The following PTPN12 variants were observed in gnomAD, a reference collection of about 807,000 sequenced individuals.
PTPN12 encodes the protein tyrosine-protein phosphatase non-receptor type 12.
PTPN12 carries 29 observed loss-of-function variants against 97.6 expected under a neutral mutation model. The ratio of observed to expected loss-of-function variants is 0.30; its 90% CI spans 0.22 to 0.41. The LOEUF (loss-of-function observed/expected upper bound fraction) is 0.41, where lower values mean the gene tolerates loss of function less well. Among genes scored for constraint, PTPN12 ranks in the 10% least tolerant of loss-of-function variants. The pLI is 1.00. For synonymous variants in PTPN12, 327 were observed against 300.4 expected (o/e 1.09, Z -0.91); for missense variants, 819 against 926.0 (o/e 0.88, Z 1.50).
chr7:77,615,146 C>T (rs1425355275), intron 11 of PTPN12, among the ~76,000 whole-genome samples: 1 of 152,138 alleles, frequency 6.6e-6, no homozygotes, highest in East Asian at 1.9e-4. Context: ...GTTACAAGTA[C>T]TGTCAACACC....
At chr7:77,596,392 A>T (rs568945427) in intron 6 of PTPN12, among the ~76,000 whole-genome samples, 23 of 152,098 alleles carry the variant, frequency 1.5e-4, no homozygotes, top group East Asian at 5.8e-4. Flanking sequence ...TAAGGTTTTT[A>T]AAAAAATTTT....
intron 2 of PTPN12, among the ~76,000 whole-genome samples, chr7:77,578,671 G>C (rs1272876758): frequency 6.6e-6 from 1 of 152,044 alleles, no homozygotes; most frequent in Non-Finnish European, 1.5e-5. Flanking sequence ...ATTCATGTCT[G>C]TTAACATTTC....
At chr7:77,621,557 T>TGGGC (rs1308005864) in intron 12 of PTPN12, among the ~76,000 whole-genome samples, 1 of 151,868 alleles carries the variant, frequency 6.6e-6, no homozygotes, top group Non-Finnish European at 1.5e-5. Flanking sequence ...TAGTCTCAGC[T>TGGGC]ACTTGGGAGG....
At chr7:77,617,100 A>T (rs1788779737) in intron 11 of PTPN12, among the ~76,000 whole-genome samples, 2 of 152,082 alleles carry the variant, frequency 1.3e-5, no homozygotes, top group Admixed American at 1.3e-4. Context: ...TACCTTTTTG[A>T]TGCAGAGTCT....
intron 2 of PTPN12, among the ~76,000 whole-genome samples, chr7:77,576,430 T>C (rs1787344781): frequency 6.6e-6 from 1 of 152,096 alleles, no homozygotes; most frequent in Non-Finnish European, 1.5e-5. Flanking sequence ...CAGGGCGAGG[T>C]GACTCATGTC....
intron 4 of PTPN12, among the ~76,000 whole-genome samples, chr7:77,584,858 C>G (rs907088216): frequency 1.4e-5 from 2 of 145,602 alleles, no homozygotes; most frequent in Non-Finnish European, 3.0e-5. Context: ...GCCTGGGCGA[C>G]AGAGCGAGAC....
chr7:77,558,825 A>T (rs1030376649), intron 1 of PTPN12, among the ~76,000 whole-genome samples: 1 of 152,202 alleles, frequency 6.6e-6, no homozygotes, highest in African/African-American at 2.4e-5. Flanking sequence ...CTTGGGCCAC[A>T]TAGTAAGACC....
At chr7:77,637,944 AATTTTTTTTTTTTTTTTT>A (rs1388651991) in intron 16 of PTPN12, among the ~76,000 whole-genome samples, 2 of 89,500 alleles carry the variant, frequency 2.2e-5, no homozygotes, top group Non-Finnish European at 3.9e-5. Flanking sequence ...GATTTCTTAA[AATTTTTTTTTTTTTTTTT>A]TTTTTTTTTT....
At chr7:77,593,383 G>C (rs889082065) in intron 6 of PTPN12, among the ~76,000 whole-genome samples, 1 of 152,148 alleles carries the variant, frequency 6.6e-6, no homozygotes, top group Non-Finnish European at 1.5e-5. Context: ...TACATTTAAG[G>C]AGATTTATTA....
At chr7:77,564,782 G>T (rs1339846968) in intron 1 of PTPN12, among the ~76,000 whole-genome samples, 2 of 19,964 alleles carry the variant, frequency 1.0e-4, no homozygotes, top group Non-Finnish European at 8.1e-5. Flanking sequence ...TTTTTGAGAC[G>T]GAATCTCGCC....
At chr7:77,612,562 C>T (rs988112290) in intron 11 of PTPN12, among the ~76,000 whole-genome samples, 1 of 152,088 alleles carries the variant, frequency 6.6e-6, no homozygotes, top group Non-Finnish European at 1.5e-5. Context: ...CCTCAGCCTC[C>T]CTAGTAGCTG....
chr7:77,571,001 G>T, intron 1 of PTPN12, 77 bp from the exon 2 acceptor site: 1 of 867,240 alleles, frequency 1.2e-6, no homozygotes, highest in African/African-American at 1.8e-5. Context: ...TGAGGAATTG[G>T]GGTCACCAGA....
intron 11 of PTPN12, among the ~76,000 whole-genome samples, chr7:77,613,817 A>T (rs944717251): frequency 1.1e-4 from 17 of 152,024 alleles, no homozygotes; most frequent in African/African-American, 3.9e-4. Flanking sequence ...GACTCAAGCA[A>T]TCCATCCGCC....
intron 6 of PTPN12, among the ~76,000 whole-genome samples, chr7:77,595,281 C>T (rs1332382595): frequency 6.6e-6 from 1 of 152,118 alleles, no homozygotes; most frequent in Admixed American, 6.6e-5. Context: ...GACTTAACTG[C>T]AAAGAAAAAT....
intron 13 of PTPN12, 58 bp from the exon 14 acceptor site, chr7:77,632,290 C>G (rs1452692321): frequency 1.6e-6 from 2 of 1,264,994 alleles, no homozygotes. Flanking sequence ...CAAGAAAGCT[C>G]TCTGATTTTG....
chr7:77,610,659 T>G, intron 9 of PTPN12, 106 bp from the exon 10 acceptor site: 1 of 1,162,654 alleles, frequency 8.6e-7, no homozygotes, highest in Non-Finnish European at 1.2e-6. Context: ...CAATAAATGT[T>G]TGCAGTAAAC....
chr7:77,555,551 C>T (rs1807669514), intron 1 of PTPN12, among the ~76,000 whole-genome samples: 1 of 152,056 alleles, frequency 6.6e-6, no homozygotes, highest in South Asian at 2.1e-4. Flanking sequence ...TTTCCTCAGC[C>T]ATGTCTAGTC....
At chr7:77,539,896 C>T (rs1002701351) in intron 1 of PTPN12, among the ~76,000 whole-genome samples, 8 of 152,178 alleles carry the variant, frequency 5.3e-5, no homozygotes, top group African/African-American at 1.9e-4. Context: ...GCAGGCTGCT[C>T]TCGAACTCCT....
rs189619586 is a variant in PTPN12, at chr7:77,614,886, G to A, written c.940-3594G>A. On this transcript the variant is annotated intron_variant, in intron 11 of 17. Transcript: ENST00000248594. ...TAATCGGTAAAAGTTTTGTTTAAAT[G>A]TTCTGTGTTCCAGTATTATTTCTGT... 1.8e-4 allele frequency among the ~76,000 whole-genome samples: 28 copies of A among 152,252 alleles called. No individual in the cohort carries two copies. The East Asian group carries it at 5.0e-3, about 27-fold the overall frequency.
Sources: allele counts gnomAD v4.1 joint callset (sites outside exome capture counted in the v4.1 genomes callset), GRCh38; gene constraint gnomAD v4.1.1; transcripts MANE v1.5; gene names NCBI Gene and HGNC (gene_info 2026-07-23, HGNC 2026-07-21).